Variants in CDK5RAP2 observed in about 807,000 individuals in gnomAD.
CDK5RAP2 encodes CDK5 regulatory subunit associated protein 2, also known as CDK5 regulatory subunit-associated protein 2.
In CDK5RAP2, 147 loss-of-function variants were observed where a neutral mutation model predicts 232.9. The observed-to-expected ratio is 0.63, with a 90% CI of 0.55 to 0.72. The LOEUF is 0.72. CDK5RAP2 is among the 30% of genes least tolerant of loss of function. CDK5RAP2 has a pLI of 0.00. For synonymous variants in CDK5RAP2, 833 were observed against 833.7 expected (o/e 1.00, Z 0.01); for missense variants, 2,195 against 2,231.5 (o/e 0.98, Z 0.33).
intron 25 of CDK5RAP2, among the ~76,000 whole-genome samples, chr9:120,430,304 T>C (rs2035202845): frequency 6.6e-6 from 1 of 152,120 alleles, no homozygotes; most frequent in South Asian, 2.1e-4. Flanking sequence ...CTAAAGAAAC[T>C]ACCATCAGAG....
chr9:120,460,705 A>G lies in CDK5RAP2; in HGVS notation c.2107-38T>C, dbSNP rs572826763. The G allele has an allele frequency of 4.4e-5, 71 of 1,613,830 alleles. 2 individuals carry two copies. In the South Asian group the frequency reaches 7.7e-4, roughly 17 times the overall value. ...TGGAATGGTGTGAAAATGCAACCCA[A>G]AAAAGTGTGCAGCATGAATATGTAT... On this transcript the variant is annotated intron_variant, in intron 18 of 37. Transcript: ENST00000349780.
chr9:120,418,562 T>C (rs768604973), intron 27 of CDK5RAP2, among the ~76,000 whole-genome samples: 5 of 152,132 alleles, frequency 3.3e-5, no homozygotes, highest in Non-Finnish European at 7.4e-5. Flanking sequence ...ACAGAAGAAG[T>C]GGCACTAGGG....
intron 21 of CDK5RAP2, 106 bp downstream of exon 21, chr9:120,453,350 A>G (rs2036576892): frequency 9.6e-7 from 1 of 1,036,656 alleles, no homozygotes; most frequent in Admixed American, 2.2e-5. Flanking sequence ...GAGACACTGG[A>G]CATTCTTGTC....
intron 12 of CDK5RAP2, 64 bp downstream of exon 12, chr9:120,518,363 C>A (rs1199408795): frequency 1.5e-6 from 2 of 1,346,210 alleles, no homozygotes; most frequent in African/African-American, 1.4e-5. Flanking sequence ...ACCCTACAAC[C>A]AGACACAGCC....
At chr9:120,393,875 G>A (rs567099140) in intron 36 of CDK5RAP2, among the ~76,000 whole-genome samples, 1 of 152,250 alleles carries the variant, frequency 6.6e-6, no homozygotes, top group African/African-American at 2.4e-5. Flanking sequence ...TGACTAGTGA[G>A]TCAGCCTCCC....
In CDK5RAP2 at chr9:120,461,819, G is replaced by A. The variant is rs138193929; in HGVS notation, c.2107-1152C>T. On this transcript the variant is annotated intron_variant, in intron 18 of 37. Coordinates refer to ENST00000349780, the MANE Select transcript of CDK5RAP2 (RefSeq NM_018249.6). ...GATCACACCACTGCACTCCAGCCTG[G>A]GCAACAGAGTAAGACCCTGTCTCGA... is the stretch of plus-strand genomic sequence containing the variant. Among the ~76,000 whole-genome samples the A allele has an allele frequency of 6.8e-3, 1,030 of 152,286 alleles. 9 individuals carry two copies. The highest frequency in any genetic ancestry group is 0.023 in the African/African-American group (949 of 41,564).
intron 11 of CDK5RAP2, among the ~76,000 whole-genome samples, chr9:120,519,873 C>T (rs2040539163): frequency 6.6e-6 from 1 of 151,146 alleles, no homozygotes; most frequent in Admixed American, 6.6e-5. Flanking sequence ...TAAGCACTTA[C>T]AATGTTCATC....
In CDK5RAP2 at chr9:120,536,353, A is replaced by T. The variant is rs772090088; in HGVS notation, c.662+19T>A. 1.5e-5 allele frequency: 25 copies of T among 1,613,608 alleles called. No homozygotes were observed. In the South Asian group the frequency reaches 2.7e-4, roughly 18 times the overall value. ...CCAGATAATGTGATGTCAGGGTATG[A>T]CAGGGACAAGAGCCAGACCTGTCTT... is the stretch of plus-strand genomic sequence containing the variant. On this transcript the variant is annotated intron_variant, in intron 7 of 37. Coordinates refer to ENST00000349780, the MANE Select transcript of CDK5RAP2 (RefSeq NM_018249.6).
At chr9:120,454,005 C>T in intron 20 of CDK5RAP2, 132 bp from the exon 21 acceptor site, 1 of 899,044 alleles carries the variant, frequency 1.1e-6, no homozygotes, top group Non-Finnish European at 1.8e-6. Flanking sequence ...TGTGTACCCA[C>T]AACGTGCCAG....
chr9:120,511,901 C>G (rs1190660564), intron 12 of CDK5RAP2, among the ~76,000 whole-genome samples: 1 of 152,086 alleles, frequency 6.6e-6, no homozygotes, highest in Non-Finnish European at 1.5e-5. Flanking sequence ...CCACACCCAG[C>G]TAATTTTTGT....
chr9:120,397,936 C>T (rs1315623380), intron 35 of CDK5RAP2, among the ~76,000 whole-genome samples: 1 of 152,196 alleles, frequency 6.6e-6, no homozygotes, highest in Admixed American at 6.5e-5. Context: ...CTTATGGGAA[C>T]CACTGTAAAT....
intron 15 of CDK5RAP2, among the ~76,000 whole-genome samples, chr9:120,475,744 G>A (rs939349656): frequency 6.6e-6 from 1 of 152,152 alleles, no homozygotes; most frequent in African/African-American, 2.4e-5. Flanking sequence ...GAAAAAATCT[G>A]GAAATTATCT....
rs188870719 is a variant in CDK5RAP2, at chr9:120,476,440, G to C, written c.1727+910C>G. On this transcript the variant is annotated intron_variant, in intron 15 of 37. Coordinates refer to ENST00000349780, the MANE Select transcript of CDK5RAP2 (RefSeq NM_018249.6). ...AACACTTGTAATCCCAGCACTTTGG[G>C]AGGCGGAGGTGGGTGGATCCTGAGG... Among the ~76,000 whole-genome samples, 406 of 152,146 alleles carry C rather than the reference G, an allele frequency of 2.7e-3. 1 individual carries two copies. Among genetic ancestry groups the C allele is most frequent in the Non-Finnish European group, 4.0e-3 (275 of 67,964 alleles).
intron 28 of CDK5RAP2, among the ~76,000 whole-genome samples, chr9:120,413,807 C>G (rs527264451): frequency 8.0e-5 from 9 of 111,904 alleles, no homozygotes; most frequent in Non-Finnish European, 1.0e-4. Flanking sequence ...GCGCAGTGAG[C>G]GAGGAGGGAG....
At position 120,407,018 on chromosome 9, in the gene CDK5RAP2, TGTCAG is replaced by T; in HGVS notation, c.4952_4956del (p.Pro1651GlnfsTer5). The T allele has an allele frequency of 1.2e-5, 19 of 1,612,908 alleles. No homozygotes were observed. The highest frequency in any genetic ancestry group is 1.6e-5 in the Non-Finnish European group (19 of 1,178,902). On this transcript the variant is annotated frameshift_variant, in exon 32 of 38. Coordinates refer to ENST00000349780, the MANE Select transcript of CDK5RAP2 (RefSeq NM_018249.6). LOFTEE classifies it high-confidence loss of function. ...GGAGAGGCAGGGGCAGTACCGTGTT[TGTCAG>T]GCTGAAGGGGCACCTCAGGGATGGA...
At chr9:120,545,036 T>A (rs2132021243) in intron 5 of CDK5RAP2, among the ~76,000 whole-genome samples, 1 of 152,290 alleles carries the variant, frequency 6.6e-6, no homozygotes, top group South Asian at 2.1e-4. Context: ...AATATTTTAA[T>A]AAATGAAAAT....
chr9:120,478,006 T>C (rs895954244), intron 14 of CDK5RAP2, among the ~76,000 whole-genome samples: 1 of 152,218 alleles, frequency 6.6e-6, no homozygotes, highest in African/African-American at 2.4e-5. Context: ...TTAACAAAAC[T>C]CTATGAGCTT....
chr9:120,435,556 G>A (rs2035533096), intron 25 of CDK5RAP2, among the ~76,000 whole-genome samples: 1 of 151,794 alleles, frequency 6.6e-6, no homozygotes, highest in Non-Finnish European at 1.5e-5. Context: ...AACACACCTA[G>A]CACCAAATCT....
intron 14 of CDK5RAP2, 71 bp from the exon 15 acceptor site, chr9:120,477,521 CA>C: frequency 1.7e-6 from 2 of 1,157,614 alleles, no homozygotes; most frequent in Non-Finnish European, 2.6e-6. Context: ...ATTATGCAAA[CA>C]TATGTAGCTA....
Sources: allele counts gnomAD v4.1 joint callset (sites outside exome capture counted in the v4.1 genomes callset), GRCh38; gene constraint gnomAD v4.1.1; transcripts MANE v1.5; gene names NCBI Gene and HGNC (gene_info 2026-07-23, HGNC 2026-07-21).